SPECC1L: variants seen among roughly 807,000 people sequenced by gnomAD.
The protein encoded by SPECC1L is sperm antigen with calponin homology and coiled-coil domains 1 like.
In SPECC1L, 40 loss-of-function variants were observed where a neutral mutation model predicts 116.8. The ratio of observed to expected loss-of-function variants is 0.34; its 90% CI spans 0.27 to 0.45. The LOEUF (loss-of-function observed/expected upper bound fraction) is 0.45. SPECC1L is among the 20% of genes least tolerant of loss of function. SPECC1L has a pLI of 1.00. For synonymous variants in SPECC1L, 504 were observed against 500.6 expected (o/e 1.01, Z -0.09); for missense variants, 1,110 against 1,373.6 (o/e 0.81, Z 3.03).
At chr22:24,384,921 A>C (rs569788607) in intron 14 of SPECC1L, among the ~76,000 whole-genome samples, 1 of 152,034 alleles carries the variant, frequency 6.6e-6, no homozygotes, top group African/African-American at 2.4e-5. Context: ...CTAAAAATAC[A>C]AAAAATTAGG....
intron 14 of SPECC1L, among the ~76,000 whole-genome samples, chr22:24,405,703 G>C (rs2042576498): frequency 6.6e-6 from 1 of 152,016 alleles, no homozygotes; most frequent in Admixed American, 6.5e-5. Context: ...AGCCGGGCAT[G>C]GTGGCGGGTG....
At chr22:24,308,804 A>G (rs2049554597) in intron 3 of SPECC1L, among the ~76,000 whole-genome samples, 1 of 152,160 alleles carries the variant, frequency 6.6e-6, no homozygotes, top group South Asian at 2.1e-4. Flanking sequence ...GCTACAAGGA[A>G]GAGTTTTTAC....
intron 10 of SPECC1L, among the ~76,000 whole-genome samples, chr22:24,341,645 G>A (rs965470419): frequency 6.6e-6 from 1 of 152,236 alleles, no homozygotes; most frequent in African/African-American, 2.4e-5. Context: ...TGCTCCTTGT[G>A]TAATTTGCTC....
At chr22:24,298,104 G>C (rs370755928) in intron 2 of SPECC1L, among the ~76,000 whole-genome samples, 1 of 149,192 alleles carries the variant, frequency 6.7e-6, no homozygotes, top group African/African-American at 2.5e-5. Context: ...GTCACATTTT[G>C]AATGTAATGT....
rs62233072 is a variant in SPECC1L, at chr22:24,287,172, G to C, written c.-38+10369G>C. Among the ~76,000 whole-genome samples the C allele has an allele frequency of 7.8e-3, 1,185 of 152,292 alleles. 9 individuals carry two copies. The highest frequency in any genetic ancestry group is 0.024 in the South Asian group (116 of 4,818). ...AGTGGTAAGGGGTTTTCAGGGGTAG[G>C]AACAGTAGGAGCCAAAGTGTGGGTA... On this transcript the variant is annotated intron_variant, in intron 2 of 16. Coordinates refer to ENST00000314328, the MANE Select transcript of SPECC1L (RefSeq NM_015330.6).
At chr22:24,362,428 C>G (rs1411803464) in intron 11 of SPECC1L, among the ~76,000 whole-genome samples, 2 of 152,186 alleles carry the variant, frequency 1.3e-5, no homozygotes, top group African/African-American at 4.8e-5. Context: ...AGGAGTAGAA[C>G]AAGGTGAGGC....
intron 14 of SPECC1L, among the ~76,000 whole-genome samples, chr22:24,406,443 T>C (rs1410402319): frequency 6.6e-6 from 1 of 152,164 alleles, no homozygotes; most frequent in African/African-American, 2.4e-5. Context: ...CAGAGCAGTC[T>C]GGAAGGAGGC....
chr22:24,398,868 CCCTT>C (rs1276921780), intron 14 of SPECC1L, among the ~76,000 whole-genome samples: 1 of 152,222 alleles, frequency 6.6e-6, no homozygotes. Context: ...CTCACCCAGT[CCCTT>C]CCTCAGAGCA....
chr22:24,294,450 C>T lies in SPECC1L; in HGVS notation c.-37-7745C>T, dbSNP rs543615754. 2.0e-4 allele frequency among the ~76,000 whole-genome samples: 30 copies of T among 149,410 alleles called. No homozygotes were observed. The East Asian group carries it at 5.5e-3, about 27-fold the overall frequency. On this transcript the variant is annotated intron_variant, in intron 2 of 16. Transcript: ENST00000314328. ...AGGCTGGAGTGCAGCGGCACGATAT[C>T]GGCTCATTGCAACCTCTGCCTCCCG...
chr22:24,388,952 C>A (rs182018194), intron 14 of SPECC1L, among the ~76,000 whole-genome samples: 2 of 152,232 alleles, frequency 1.3e-5, no homozygotes, highest in Non-Finnish European at 2.9e-5. Flanking sequence ...TTCTTACCAC[C>A]TCACAGCCCT....
intron 14 of SPECC1L, among the ~76,000 whole-genome samples, chr22:24,393,002 G>A (rs1418888321): frequency 6.6e-6 from 1 of 152,226 alleles, no homozygotes; most frequent in East Asian, 1.9e-4. Context: ...CAGTTGTCGA[G>A]AGGGAGAGAC....
intron 3 of SPECC1L, among the ~76,000 whole-genome samples, chr22:24,308,287 C>T (rs2049541837): frequency 6.6e-6 from 1 of 152,096 alleles, no homozygotes; most frequent in Non-Finnish European, 1.5e-5. Context: ...TGTTTTCTGG[C>T]CCAGTATCCA....
intron 2 of SPECC1L, among the ~76,000 whole-genome samples, chr22:24,279,171 A>T (rs1180608895): frequency 1.3e-5 from 2 of 152,298 alleles, no homozygotes; most frequent in African/African-American, 4.8e-5. Flanking sequence ...ATTGTGCCTT[A>T]CAGTAAAAGC....
At chr22:24,344,210 A>G (rs751525361) in intron 10 of SPECC1L, among the ~76,000 whole-genome samples, 4 of 152,216 alleles carry the variant, frequency 2.6e-5, no homozygotes, top group Non-Finnish European at 4.4e-5. Flanking sequence ...TATAGATGCA[A>G]TATAAAAGCA....
chr22:24,416,941 A>G lies in SPECC1L; in HGVS notation c.*2318A>G, dbSNP rs959958327. ...GGGAAGGTTTGCGTGCAGAGCTGCA[A>G]GGGAGAGGGTTCCAGAAGCATTGCC... is the stretch of plus-strand genomic sequence containing the variant. On this transcript the variant is annotated 3_prime_UTR_variant, in exon 17 of 17. Transcript: ENST00000314328. The G allele has an allele frequency of 2.0e-5, 3 of 152,310 alleles. No homozygotes were observed. Among genetic ancestry groups the G allele is most frequent in the African/African-American group, 7.2e-5 (3 of 41,456 alleles). The allele number at this position is 152,310 out of a possible 1,614,324, so 9.4% of individuals were successfully genotyped here.
At chr22:24,400,068 C>T (rs2042443274) in intron 14 of SPECC1L, among the ~76,000 whole-genome samples, 1 of 152,192 alleles carries the variant, frequency 6.6e-6, no homozygotes, top group African/African-American at 2.4e-5. Context: ...CTGGCAGCCT[C>T]TTTTATTTGA....
At position 24,324,230 on chromosome 22, in the gene SPECC1L, A is replaced by T; in HGVS notation, c.1949A>T (p.Glu650Val). 1.2e-6 allele frequency: 2 copies of T among 1,613,844 alleles called. No individual in the cohort carries two copies. Among genetic ancestry groups the T allele is most frequent in the South Asian group, 1.1e-5 (1 of 91,082 alleles). Residue 650 changes from glutamate (E) to valine (V), a missense_variant, in exon 6 of 17, where the codon GAA (glutamate) becomes GTA (valine). Physicochemically the swap from Glu to Val is moderately radical, Grantham distance 121. This residue lies in a region of SPECC1L where 575 missense variants were observed against 682.4 expected (regional missense o/e 0.84). Transcript: ENST00000314328. Reference sequence around the variant, plus strand: ...GTCAATTTTACGTAGGTAGAGGATGAATACCGAGCCTTCCAAGAAGAAGCT... The same window carrying T: ...GTCAATTTTACGTAGGTAGAGGATGTATACCGAGCCTTCCAAGAAGAAGCT... ...LQDAIAKVED[E>V]YRAFQEEAKK...
intron 11 of SPECC1L, among the ~76,000 whole-genome samples, chr22:24,349,108 T>G (rs1050662736): frequency 6.6e-6 from 1 of 152,146 alleles, no homozygotes; most frequent in Non-Finnish European, 1.5e-5. Context: ...TGGCACGATA[T>G]CAACTTACTG....
At chr22:24,367,862 C>G (rs1382336579) in intron 13 of SPECC1L, among the ~76,000 whole-genome samples, 1 of 152,146 alleles carries the variant, frequency 6.6e-6, no homozygotes. Context: ...GAACATGGGA[C>G]TAGAGTCTCC....
Sources: gnomAD v4.1 joint callset for allele counts (sites outside exome capture counted in the v4.1 genomes callset) on GRCh38, gnomAD v4.1.1 for gene constraint, gnomAD v4.1.1 regional missense constraint, MANE v1.5 for transcripts, NCBI Gene and HGNC (gene_info 2026-07-23, HGNC 2026-07-21) for gene names.